DNHD1: variants seen among roughly 807,000 people sequenced by gnomAD.
DNHD1 encodes dynein heavy chain domain 1, also known as dynein heavy chain domain-containing protein 1.
In DNHD1, 383 loss-of-function variants were observed where a neutral mutation model predicts 458.1. The observed-to-expected ratio is 0.84, with a 90% CI of 0.77 to 0.91. DNHD1 has a LOEUF of 0.91. DNHD1 is among the 40% of genes least tolerant of loss of function. The pLI, the probability that DNHD1 is intolerant of heterozygous loss-of-function variation, is 0.00. For synonymous variants in DNHD1, 2,203 were observed against 2,376.9 expected (o/e 0.93, Z 2.13); for missense variants, 5,336 against 5,866.1 (o/e 0.91, Z 2.95).
In DNHD1 at chr11:6,498,402, G is replaced by A. The variant is rs1852073967; in HGVS notation, c.187G>A (p.Ala63Thr). The A allele has an allele frequency of 6.2e-7, 1 of 1,614,088 alleles. No homozygotes were observed. Among genetic ancestry groups the A allele is most frequent in the African/African-American group, 1.3e-5 (1 of 74,938 alleles). Residue 63 changes from alanine to threonine, a missense_variant, in exon 3 of 43, where the codon GCT (alanine) becomes ACT (threonine). Physicochemically the swap from Ala to Thr is moderately conservative, Grantham distance 58 (BLOSUM62 0). Transcript: ENST00000254579. ...GCCCACAGTGCTGGAACTCCTGCTA[G>A]CTGAGCTCCGAACTCTGTTCTCAGC... ...EQPTVLELLL[A>T]ELRTLFSAVL...
intron 10 of DNHD1, among the ~76,000 whole-genome samples, chr11:6,521,913 T>C (rs867072630): frequency 1.3e-5 from 2 of 152,226 alleles, no homozygotes; most frequent in Admixed American, 6.5e-5. Flanking sequence ...GATGGGGTCT[T>C]GCTATGTTGC....
In DNHD1 at chr11:6,556,916, C is replaced by T; in HGVS notation, c.7621C>T (p.Pro2541Ser). 6.4e-7 allele frequency: 1 copy of T among 1,551,702 alleles called. No individual in the cohort carries two copies. Among genetic ancestry groups the T allele is most frequent in the African/African-American group, 1.4e-5 (1 of 73,176 alleles). The change falls in exon 25 of 43, where the codon CCT (proline) becomes TCT (serine). Residue 2541 changes from proline to serine, a missense_variant. Coordinates refer to ENST00000254579, the MANE Select transcript of DNHD1 (RefSeq NM_144666.3). ...TQATLLERHV[P>S]IIQAWLERFP... Reference sequence around the variant, plus strand: ...GGCCACCCTGCTGGAAAGACATGTGCCTATCATTCAGGCTTGGCTTGAGCG... The same window carrying T: ...GGCCACCCTGCTGGAAAGACATGTGTCTATCATTCAGGCTTGGCTTGAGCG...
chr11:6,509,922 A>C (rs1156879894), intron 6 of DNHD1, among the ~76,000 whole-genome samples: 1 of 152,158 alleles, frequency 6.6e-6, no homozygotes, highest in Non-Finnish European at 1.5e-5. Context: ...GCATCTAAAG[A>C]GGATAGTCAC....
intron 37 of DNHD1, 90 bp downstream of exon 37, chr11:6,568,332 C>A: frequency 6.4e-7 from 1 of 1,551,910 alleles, no homozygotes; most frequent in Admixed American, 1.8e-5. Context: ...AGTGACCTAG[C>A]ACCAAACTTG....
chr11:6,545,826 T>C lies in DNHD1; in HGVS notation c.4887T>C (p.Ser1629=). 1.3e-6 allele frequency: 2 copies of C among 1,551,904 alleles called. No individual in the cohort carries two copies. Among genetic ancestry groups the C allele is most frequent in the Non-Finnish European group, 1.7e-6 (2 of 1,147,024 alleles). Residue 1629 remains serine (S), a synonymous_variant, in exon 21 of 43, where the codon TCT becomes TCC. Transcript: ENST00000254579. This position sits in a 1 kb window ranked among gnomAD's most constrained non-coding sequence, Gnocchi z 4.9. ...PLQSLKTIAS[S]EPSLSPAACW... is the part of the protein sequence containing the mutation. Reference sequence around the variant, plus strand: ...AGAGTCTTAAGACTATTGCATCTTCTGAACCCTCTCTGTCACCAGCGGCAT... The same window carrying C: ...AGAGTCTTAAGACTATTGCATCTTCCGAACCCTCTCTGTCACCAGCGGCAT...
chr11:6,538,911 A>G (rs11040914), intron 16 of DNHD1, 101 bp downstream of exon 16: 1 of 1,223,068 alleles, frequency 8.2e-7, no homozygotes, highest in African/African-American at 1.5e-5. Flanking sequence ...AACACCTTTC[A>G]TCCCCAAGTT....
intron 32 of DNHD1, among the ~76,000 whole-genome samples, chr11:6,565,236 C>G (rs1409152364): frequency 2.0e-5 from 3 of 152,112 alleles, no homozygotes; most frequent in African/African-American, 7.2e-5. Context: ...GGAAAGGGGT[C>G]CTTTCAGATG....
rs141561327 is a variant in DNHD1 at position 6,509,068 on chromosome 11, G to A, written c.1109G>A (p.Arg370His). ...FIPFFKYCLL[R>H]KSFTCWKKNV... is the part of the protein sequence containing the mutation. ...CCATTCTTTAAGTATTGCCTCTTACGCAAGTCCTTTACCTGGTAGGTAATG... is the reference window on the plus strand; with the variant it reads ...CCATTCTTTAAGTATTGCCTCTTACACAAGTCCTTTACCTGGTAGGTAATG... Residue 370 changes from arginine (R) to histidine (H), a missense_variant, in exon 5 of 43, where the codon CGC becomes CAC. Transcript: ENST00000254579. 5.8e-5 allele frequency: 93 copies of A among 1,614,054 alleles called. No homozygotes were observed. The African/African-American group carries it at 1.0e-3, about 18-fold the overall frequency.
intron 3 of DNHD1, among the ~76,000 whole-genome samples, chr11:6,501,552 T>G (rs910028603): frequency 1.3e-5 from 2 of 151,776 alleles, no homozygotes; most frequent in African/African-American, 4.8e-5. Flanking sequence ...GCAACTGAAG[T>G]TGAGGGAATT....
chr11:6,568,658 T>G lies in DNHD1; in HGVS notation c.12662-7T>G, dbSNP rs1444389311. On this transcript the variant is annotated splice_polypyrimidine_tract_variant and splice_region_variant and intron_variant, in intron 38 of 42. Coordinates refer to ENST00000254579, the MANE Select transcript of DNHD1 (RefSeq NM_144666.3). ...TGTGCTGACTCAGCACTCTCCTTCC[T>G]CCCCAGCTGTGCTGACTCAGCACTC... is the stretch of plus-strand genomic sequence containing the variant. 1 of 1,613,830 alleles carries G rather than the reference T, an allele frequency of 6.2e-7. No homozygotes were observed. Among genetic ancestry groups the G allele is most frequent in the South Asian group, 1.1e-5 (1 of 91,080 alleles).
Position 6,558,131 on chromosome 11 carries a change from C to T in DNHD1, c.8836C>T (p.Pro2946Ser). 6.4e-7 allele frequency: 1 copy of T among 1,551,680 alleles called. No individual in the cohort carries two copies. Among genetic ancestry groups the T allele is most frequent in the East Asian group, 2.4e-5 (1 of 40,922 alleles). ...MLSQPVALLVPSGVDLTTLHR... is the reference protein window; with the variant it reads ...MLSQPVALLVSSGVDLTTLHR... Reference sequence around the variant, plus strand: ...AAGCCAGCCAGTGGCTCTGTTGGTACCCAGTGGTGTGGATCTCACTACACT... The same window carrying T: ...AAGCCAGCCAGTGGCTCTGTTGGTATCCAGTGGTGTGGATCTCACTACACT... The change falls in exon 25 of 43, where the codon CCC becomes TCC. Residue 2946 changes from proline to serine, a missense_variant. By Grantham distance (74) the Pro-to-Ser change is moderately conservative. Coordinates refer to ENST00000254579, the MANE Select transcript of DNHD1 (RefSeq NM_144666.3).
chr11:6,512,211 C>CTTTCTTTCTTTTTTTT (rs1185966042), intron 7 of DNHD1, among the ~76,000 whole-genome samples: 1 of 91,630 alleles, frequency 1.1e-5, no homozygotes, highest in African/African-American at 4.7e-5. Flanking sequence ...CTTTTTCTTT[C>CTTTCTTTCTTTTTTTT]TTTTTTTTTT....
At chr11:6,503,000 T>C in intron 4 of DNHD1, 74 bp downstream of exon 4, 1 of 1,543,074 alleles carries the variant, frequency 6.5e-7, no homozygotes, top group Non-Finnish European at 8.8e-7. Flanking sequence ...CCCTCCTCTT[T>C]CTCCACGTGC....
intron 28 of DNHD1, among the ~76,000 whole-genome samples, chr11:6,559,772 C>G (rs970128681): frequency 3.9e-5 from 6 of 152,120 alleles, no homozygotes; most frequent in Non-Finnish European, 8.8e-5. Context: ...GGCATAGAAC[C>G]AGAAGTAAAT....
chr11:6,533,749 A>G lies in DNHD1; in HGVS notation c.2574A>G (p.Glu858=). 6.4e-7 allele frequency: 1 copy of G among 1,551,350 alleles called. No homozygotes were observed. The highest frequency in any genetic ancestry group is 1.4e-5 in the African/African-American group (1 of 73,036). Residue 858 remains glutamate (E), a synonymous_variant, in exon 14 of 43, where the codon GAA becomes GAG. Coordinates refer to ENST00000254579, the MANE Select transcript of DNHD1 (RefSeq NM_144666.3). Reference sequence around the variant, plus strand: ...TGGAATACGTACGGGCACTCCACGAACTCATCCGCAACCACTTTAGCCTCT... The same window carrying G: ...TGGAATACGTACGGGCACTCCACGAGCTCATCCGCAACCACTTTAGCCTCT... ...ERMEYVRALH[E]LIRNHFSLFS...
In DNHD1 at chr11:6,519,688, A is replaced by G. The variant is rs1589872010; in HGVS notation, c.1481A>G (p.Tyr494Cys). 1 of 1,614,024 alleles carries G rather than the reference A, an allele frequency of 6.2e-7. No individual in the cohort carries two copies. Among genetic ancestry groups the G allele is most frequent in the African/African-American group, 1.3e-5 (1 of 74,898 alleles). The change falls in exon 8 of 43, where the codon TAC becomes TGC. Residue 494 changes from tyrosine (Y) to cysteine (C), a missense_variant. By Grantham distance (194) the Tyr-to-Cys change is radical. Around this residue, in one of 4 missense-constraint regions of DNHD1, gnomAD observed 3,932 missense variants for 4,365.6 expected, o/e 0.90. Coordinates refer to ENST00000254579, the MANE Select transcript of DNHD1 (RefSeq NM_144666.3). Reference protein sequence around the residue: ...DRIRTGQGSIYLQRVQHKQLE... With the variant: ...DRIRTGQGSICLQRVQHKQLE... Reference sequence around the variant, plus strand: ...ATCAGGACAGGCCAAGGCTCCATATACCTTCAGAGGGTACAGCACAAGCAA... The same window carrying G: ...ATCAGGACAGGCCAAGGCTCCATATGCCTTCAGAGGGTACAGCACAAGCAA...
At position 6,559,253 on chromosome 11, in the gene DNHD1, C is replaced by T. The variant is rs1356258281; in HGVS notation, c.9489C>T (p.Asp3163=). ...GTACCCATGCCAATCTGATCTTTGA[C>T]TTGGAACAGCAGCTGAAAGACTCCG... ...EHGTHANLIF[D]LEQQLKDSGK... Residue 3163 remains aspartate (D), a synonymous_variant, in exon 28 of 43, where the codon GAC becomes GAT. Coordinates refer to ENST00000254579, the MANE Select transcript of DNHD1 (RefSeq NM_144666.3). 1 of 1,551,714 alleles carries T rather than the reference C, an allele frequency of 6.4e-7. No individual in the cohort carries two copies.
intron 18 of DNHD1, among the ~76,000 whole-genome samples, chr11:6,542,979 A>C (rs1467016991): frequency 6.6e-6 from 1 of 152,210 alleles, no homozygotes; most frequent in Admixed American, 6.5e-5. Flanking sequence ...AGAAAAGCTG[A>C]AGTACAGTTA....
In DNHD1 at chr11:6,539,122, G is replaced by A. The variant is rs1853033128; in HGVS notation, c.3326-97G>A. ...CTCTGAGATCTGCTATCTGGGGTCT[G>A]AGCTGGGCTGGGCTGGGCTGGGCTC... On this transcript the variant is annotated intron_variant, in intron 16 of 42. Transcript: ENST00000254579. The A allele has an allele frequency of 3.6e-6, 3 of 843,882 alleles. No individual in the cohort carries two copies. In the Admixed American group the frequency reaches 6.4e-5, roughly 18 times the overall value. 52.3% of individuals were successfully genotyped at this position (843,882 alleles called of 1,614,324 possible). A position where few individuals can be genotyped will look rare whatever the true frequency, so the allele number is the denominator to read the frequency against.
Sources: allele counts gnomAD v4.1 joint callset (sites outside exome capture counted in the v4.1 genomes callset), GRCh38; gene constraint gnomAD v4.1.1; regional missense constraint gnomAD v4.1.1; non-coding constraint Gnocchi (gnomAD v3.1); transcripts MANE v1.5; gene names NCBI Gene and HGNC (gene_info 2026-07-23, HGNC 2026-07-21).